Variants in ZHX2 observed in about 807,000 individuals in gnomAD.
ZHX2 encodes zinc fingers and homeoboxes protein 2.
ZHX2 carries 6 observed loss-of-function variants against 21.9 expected under a neutral mutation model. The observed-to-expected ratio is 0.27, with a 90% CI of 0.15 to 0.54. The LOEUF is 0.54. Among genes scored for constraint, ZHX2 ranks in the 20% least tolerant of loss-of-function variants. ZHX2 has a pLI of 0.95. For synonymous variants in ZHX2, 434 were observed against 437.1 expected (o/e 0.99, Z 0.09); for missense variants, 908 against 1,090.7 (o/e 0.83, Z 2.36).
At chr8:122,865,691 T>C (rs1819276448) in intron 2 of ZHX2, among the ~76,000 whole-genome samples, 1 of 152,212 alleles carries the variant, frequency 6.6e-6, no homozygotes. Context: ...TTCAATTTAA[T>C]GAGTTAATTC....
chr8:122,793,197 T>C (rs1459025808), intron 1 of ZHX2, among the ~76,000 whole-genome samples: 1 of 152,222 alleles, frequency 6.6e-6, no homozygotes, highest in Non-Finnish European at 1.5e-5. Context: ...CATGTTGTCA[T>C]TGGCATATGT....
At chr8:122,870,008 A>G (rs1383616964) in intron 2 of ZHX2, among the ~76,000 whole-genome samples, 2 of 152,224 alleles carry the variant, frequency 1.3e-5, no homozygotes, top group Non-Finnish European at 2.9e-5. Context: ...GCAAGATGGT[A>G]AGTTTCCTAC....
chr8:122,927,720 G>A (rs1820893149), intron 2 of ZHX2, among the ~76,000 whole-genome samples: 1 of 152,176 alleles, frequency 6.6e-6, no homozygotes, highest in Non-Finnish European at 1.5e-5. Context: ...ACCCACCCCT[G>A]TGATTCAGTT....
intron 2 of ZHX2, among the ~76,000 whole-genome samples, chr8:122,882,299 T>A (rs1237039294): frequency 6.6e-6 from 1 of 151,282 alleles, no homozygotes; most frequent in Non-Finnish European, 1.5e-5. Flanking sequence ...GCATTGTTCT[T>A]CAAACACACA....
chr8:122,835,868 G>C (rs959391984), intron 1 of ZHX2, among the ~76,000 whole-genome samples: 1 of 152,190 alleles, frequency 6.6e-6, no homozygotes, highest in Non-Finnish European at 1.5e-5. Context: ...TCATTTGCGG[G>C]CCATTTGGAC....
intron 3 of ZHX2, among the ~76,000 whole-genome samples, chr8:122,966,343 C>A (rs76112042): frequency 6.6e-6 from 1 of 152,056 alleles, no homozygotes; most frequent in Non-Finnish European, 1.5e-5. Flanking sequence ...TGTAGCACTG[C>A]TTTGGTAGTG....
intron 1 of ZHX2, among the ~76,000 whole-genome samples, chr8:122,790,458 C>T (rs1404749497): frequency 6.6e-6 from 1 of 152,178 alleles, no homozygotes; most frequent in Admixed American, 6.5e-5. Context: ...CTCCTGCCTT[C>T]AGGAAGGTCA....
At chr8:122,971,611 C>CAAAAAAAAAAAAAAAA (rs56331425) in intron 3 of ZHX2, among the ~76,000 whole-genome samples, 6 of 81,792 alleles carry the variant, frequency 7.3e-5, no homozygotes, top group African/African-American at 2.3e-4. Flanking sequence ...GGCCCCTGTA[C>CAAAAAAAAAAAAAAAA]AAAAAAAAAA....
At chr8:122,841,029 C>A (rs898792099) in intron 1 of ZHX2, among the ~76,000 whole-genome samples, 1 of 152,224 alleles carries the variant, frequency 6.6e-6, no homozygotes, top group South Asian at 2.1e-4. Flanking sequence ...CAGCCAGATA[C>A]ATGAAAACTC....
At chr8:122,821,958 G>T (rs951513162) in intron 1 of ZHX2, among the ~76,000 whole-genome samples, 17 of 152,024 alleles carry the variant, frequency 1.1e-4, no homozygotes, top group Non-Finnish European at 2.2e-4. Flanking sequence ...ACCCTCCTTG[G>T]TCTCCCAAAG....
At chr8:122,833,719 G>A (rs538463391) in intron 1 of ZHX2, among the ~76,000 whole-genome samples, 68 of 152,210 alleles carry the variant, frequency 4.5e-4, no homozygotes, top group Admixed American at 4.3e-3. Flanking sequence ...TGAGCGGGCC[G>A]GGCGCGGTGG....
At chr8:122,909,788 A>G (rs990994235) in intron 2 of ZHX2, among the ~76,000 whole-genome samples, 5 of 152,024 alleles carry the variant, frequency 3.3e-5, no homozygotes, top group African/African-American at 1.2e-4. Context: ...CCTCTTCCGG[A>G]AGTCTTGGGC....
intron 1 of ZHX2, among the ~76,000 whole-genome samples, chr8:122,813,128 G>A (rs557218056): frequency 3.3e-5 from 5 of 151,808 alleles, no homozygotes; most frequent in African/African-American, 9.7e-5. Context: ...CCTGGGAGGC[G>A]GAGGTTGTGG....
At chr8:122,916,832 A>T (rs983160456) in intron 2 of ZHX2, among the ~76,000 whole-genome samples, 1 of 149,652 alleles carries the variant, frequency 6.7e-6, no homozygotes, top group African/African-American at 2.5e-5. Context: ...CACACTCCCC[A>T]CCCCTTCTGG....
At chr8:122,868,591 C>T (rs1415972200) in intron 2 of ZHX2, among the ~76,000 whole-genome samples, 1 of 151,526 alleles carries the variant, frequency 6.6e-6, no homozygotes, top group Non-Finnish European at 1.5e-5. Flanking sequence ...GTCCCAGCTA[C>T]TTGGGAGGCT....
rs1386768123 is a variant in ZHX2 at position 122,857,149 on chromosome 8, CTG to C, written c.-282-6325_-282-6324del. Among the ~76,000 whole-genome samples the C allele has an allele frequency of 2.6e-5, 4 of 152,206 alleles. No homozygotes were observed. In the East Asian group the frequency reaches 7.7e-4, roughly 29 times the overall value. ...ATCTGCTTTATCCTCCTATGCCTCT[CTG>C]TGCAATCTTGCCACATTGCACAGTG... On this transcript the variant is annotated intron_variant, in intron 1 of 3. Transcript: ENST00000314393.
At chr8:122,840,290 G>A (rs1444727261) in intron 1 of ZHX2, among the ~76,000 whole-genome samples, 1 of 152,126 alleles carries the variant, frequency 6.6e-6, no homozygotes, top group East Asian at 1.9e-4. Flanking sequence ...TCCTAACTGT[G>A]GAAATACAGA....
At chr8:122,850,987 T>C (rs542863021) in intron 1 of ZHX2, among the ~76,000 whole-genome samples, 20 of 152,152 alleles carry the variant, frequency 1.3e-4, no homozygotes, top group Non-Finnish European at 2.6e-4. Context: ...GCATTTGCGC[T>C]GGCTGTGTTC....
chr8:122,949,658 A>G (rs1451934855), intron 2 of ZHX2, among the ~76,000 whole-genome samples: 1 of 152,138 alleles, frequency 6.6e-6, no homozygotes, highest in Non-Finnish European at 1.5e-5. Context: ...AGCCTGGACA[A>G]CATGGCAAAA....
Sources: allele counts gnomAD v4.1 joint callset (sites outside exome capture counted in the v4.1 genomes callset), GRCh38; gene constraint gnomAD v4.1.1; transcripts MANE v1.5; gene names NCBI Gene and HGNC (gene_info 2026-07-23, HGNC 2026-07-21).